PCDH15: variants seen among roughly 807,000 people sequenced by gnomAD.
The protein encoded by PCDH15 is protocadherin-15.
Under a neutral mutation model 178.5 loss-of-function variants are expected in PCDH15, and 129 were observed. The observed-to-expected ratio is 0.72, with a 90% confidence interval of 0.63 to 0.84. The LOEUF (loss-of-function observed/expected upper bound fraction) is 0.84. PCDH15 is among the 40% of genes least tolerant of loss of function. The pLI is 0.00. For synonymous variants in PCDH15, 800 were observed against 732.0 expected (o/e 1.09, Z -1.50); for missense variants, 2,230 against 2,099.9 (o/e 1.06, Z -1.21).
intron 2 of PCDH15, among the ~76,000 whole-genome samples, chr10:55,538,882 C>T (rs1188235390): frequency 2.1e-5 from 1 of 47,272 alleles, no homozygotes; most frequent in Non-Finnish European, 3.6e-5. Flanking sequence ...TCCTTCCTCC[C>T]TTCCTTCCTT....
At chr10:55,246,132 T>C (rs1200810196) in intron 1 of PCDH15, among the ~76,000 whole-genome samples, 2 of 152,224 alleles carry the variant, frequency 1.3e-5, no homozygotes, top group Non-Finnish European at 2.9e-5. Context: ...CTATTCATGG[T>C]GACTTTCTTC....
chr10:55,535,314 A>G (rs1276878509), intron 2 of PCDH15, among the ~76,000 whole-genome samples: 1 of 152,138 alleles, frequency 6.6e-6, no homozygotes, highest in Non-Finnish European at 1.5e-5. Flanking sequence ...GAGGAACTGT[A>G]AATTTATAGA....
chr10:54,616,118 G>A (rs943232878), intron 2 of PCDH15, among the ~76,000 whole-genome samples: 5 of 151,870 alleles, frequency 3.3e-5, no homozygotes, highest in African/African-American at 9.7e-5. Context: ...TCAAAAAAGT[G>A]GCTAAGAAAA....
chr10:53,918,427 A>C (rs2083711406), intron 25 of PCDH15, among the ~76,000 whole-genome samples: 1 of 152,156 alleles, frequency 6.6e-6, no homozygotes, highest in African/African-American at 2.4e-5. Flanking sequence ...AGCAAAGGTA[A>C]ATTCCATTAG....
chr10:55,282,011 T>G (rs1224647709), intron 1 of PCDH15, among the ~76,000 whole-genome samples: 1 of 152,198 alleles, frequency 6.6e-6, no homozygotes, highest in Admixed American at 6.6e-5. Context: ...TCATAACTAT[T>G]ATATCCATAT....
rs7921774 is a variant in PCDH15 at position 53,991,674 on chromosome 10, C to T, written c.2868+3975G>A. Among the ~76,000 whole-genome samples the T allele has an allele frequency of 5.9e-3, 901 of 151,488 alleles. 9 individuals are homozygous for T. The highest frequency in any genetic ancestry group is 0.018 in the African/African-American group (737 of 41,258). Reference sequence around the variant, plus strand: ...ACCAGTCGGCACTCTGTGTCTAGCTCAAGGTTTGTAAACGCACCAATCAGT... The same window carrying T: ...ACCAGTCGGCACTCTGTGTCTAGCTTAAGGTTTGTAAACGCACCAATCAGT... On this transcript the variant is annotated intron_variant, in intron 21 of 37. Coordinates refer to ENST00000644397, the MANE Select transcript of PCDH15 (RefSeq NM_001384140.1).
chr10:54,956,138 T>G lies in PCDH15; in HGVS notation c.-79-58638A>C, dbSNP rs570244305. Among the ~76,000 whole-genome samples, 7 of 151,488 alleles carry G rather than the reference T, an allele frequency of 4.6e-5. No individual in the cohort carries two copies. In the South Asian group the frequency reaches 8.3e-4, roughly 18 times the overall value. The stretch of plus-strand genomic sequence containing the variant: ...TATTTTCATGAGCTCAGTGCCAGTA[T>G]TGATTGACAGGCCATGCCAAAAAAC... On this transcript the variant is annotated intron_variant, in intron 2 of 5. Transcript: ENST00000458638.
intron 2 of PCDH15, among the ~76,000 whole-genome samples, chr10:55,123,799 CT>C (rs1350013945): frequency 6.6e-6 from 1 of 152,142 alleles, no homozygotes; most frequent in Non-Finnish European, 1.5e-5. Context: ...TACCCATGGG[CT>C]CCTGCTCTCC....
chr10:54,951,054 G>A (rs1048559314), intron 2 of PCDH15, among the ~76,000 whole-genome samples: 1 of 151,744 alleles, frequency 6.6e-6, no homozygotes, highest in Non-Finnish European at 1.5e-5. Context: ...TTAAATTGGT[G>A]AGCCAATATT....
chr10:53,824,252 A>AAAT (rs2076521090), intron 32 of PCDH15, among the ~76,000 whole-genome samples: 1 of 152,124 alleles, frequency 6.6e-6, no homozygotes, highest in African/African-American at 2.4e-5. Flanking sequence ...CAAAGATCAC[A>AAAT]AATTAAATGG....
At chr10:55,020,168 T>C (rs1840287437) in intron 2 of PCDH15, among the ~76,000 whole-genome samples, 1 of 150,138 alleles carries the variant, frequency 6.7e-6, no homozygotes, top group Non-Finnish European at 1.5e-5. Flanking sequence ...CATATAATAT[T>C]CAATTAATCA....
chr10:53,871,328 G>A (rs1030532437), intron 26 of PCDH15, among the ~76,000 whole-genome samples: 4 of 152,158 alleles, frequency 2.6e-5, no homozygotes, highest in African/African-American at 9.6e-5. Context: ...GTGACAGAGC[G>A]AGACGTCGTC....
At chr10:55,418,873 A>G (rs1260729106) in intron 2 of PCDH15, among the ~76,000 whole-genome samples, 1 of 151,786 alleles carries the variant, frequency 6.6e-6, no homozygotes, top group Non-Finnish European at 1.5e-5. Context: ...AGCAGAAGTT[A>G]TTATAAAGTT....
chr10:55,202,121 A>C (rs1471579790), intron 1 of PCDH15, among the ~76,000 whole-genome samples: 2 of 152,104 alleles, frequency 1.3e-5, no homozygotes, highest in East Asian at 1.9e-4. Context: ...AGATAGAAAA[A>C]TTTTGAACGG....
intron 2 of PCDH15, among the ~76,000 whole-genome samples, chr10:55,515,432 G>C (rs980330339): frequency 1.3e-5 from 2 of 152,088 alleles, no homozygotes; most frequent in African/African-American, 4.8e-5. Context: ...AAGATTGAAT[G>C]CAGAAGCAGA....
intron 15 of PCDH15, among the ~76,000 whole-genome samples, chr10:54,129,075 T>G (rs2042213073): frequency 6.6e-6 from 1 of 152,182 alleles, no homozygotes; most frequent in Non-Finnish European, 1.5e-5. Flanking sequence ...CTCATAAACC[T>G]TTCCATTTCT....
chr10:54,089,924 T>A, intron 16 of PCDH15, 60 bp downstream of exon 16: 1 of 1,322,556 alleles, frequency 7.6e-7, no homozygotes, highest in East Asian at 2.3e-5. Context: ...GAAGTCTGCT[T>A]TCTTACTAAC....
chr10:54,242,177 TATATATATATACAC>T (rs1372446907), intron 8 of PCDH15, among the ~76,000 whole-genome samples: 9 of 87,966 alleles, frequency 1.0e-4, no homozygotes, highest in African/African-American at 4.7e-4. Flanking sequence ...TATATATATA[TATATATATATACAC>T]ACACACACAT....
chr10:54,684,625 G>GA (rs1224837358), intron 1 of PCDH15, among the ~76,000 whole-genome samples: 3 of 151,930 alleles, frequency 2.0e-5, no homozygotes, highest in South Asian at 2.1e-4. Flanking sequence ...AATAACACTG[G>GA]AAAAAATGTT....
Sources: gnomAD v4.1 joint callset for allele counts (sites outside exome capture counted in the v4.1 genomes callset) on GRCh38, gnomAD v4.1.1 for gene constraint, MANE v1.5 for transcripts, NCBI Gene and HGNC (gene_info 2026-07-23, HGNC 2026-07-21) for gene names.